Variants in ARHGEF28 observed in about 807,000 individuals in gnomAD.
The protein encoded by ARHGEF28 is 190 kDa guanine nucleotide exchange factor.
A neutral mutation model predicts 206.6 loss-of-function variants in ARHGEF28; 152 were observed. That is an observed-to-expected ratio of 0.74 (90% CI 0.64 to 0.84). The LOEUF (loss-of-function observed/expected upper bound fraction) is 0.84, where lower values mean the gene tolerates loss of function less well. ARHGEF28 is among the 40% of genes least tolerant of loss of function. ARHGEF28 has a pLI of 0.00. For synonymous variants in ARHGEF28, 763 were observed against 776.4 expected, an observed-to-expected ratio of 0.98 and a Z score of 0.29; for missense variants, 2,028 against 2,073.2, an observed-to-expected ratio of 0.98 and a Z score of 0.42.
chr5:73,914,586 G>A (rs754841669), intron 35 of ARHGEF28, among the ~76,000 whole-genome samples: 3 of 151,794 alleles, frequency 2.0e-5, no homozygotes, highest in South Asian at 2.1e-4. Flanking sequence ...CAGTAGAGAC[G>A]GAGTTTCGCC....
intron 4 of ARHGEF28, among the ~76,000 whole-genome samples, chr5:73,763,576 A>G (rs1321259857): frequency 2.0e-5 from 3 of 152,192 alleles, no homozygotes; most frequent in African/African-American, 7.2e-5. Flanking sequence ...CAAACAGAAC[A>G]GGGTCCCTGG....
At chr5:73,757,692 C>A (rs550976303) in intron 4 of ARHGEF28, among the ~76,000 whole-genome samples, 1 of 152,240 alleles carries the variant, frequency 6.6e-6, no homozygotes, top group Non-Finnish European at 1.5e-5. Flanking sequence ...GGAAATATCC[C>A]AGATTTTATT....
intron 13 of ARHGEF28, 66 bp downstream of exon 13, chr5:73,849,153 A>G (rs745411061): frequency 1.8e-6 from 2 of 1,122,528 alleles, no homozygotes; most frequent in South Asian, 3.0e-5. Context: ...CAGTTAGTAT[A>G]AGTACATAAA....
intron 2 of ARHGEF28, among the ~76,000 whole-genome samples, chr5:73,732,338 C>CT (rs202000497): frequency 1.2e-3 from 176 of 146,388 alleles, no homozygotes; most frequent in African/African-American, 2.5e-3. Flanking sequence ...TTCAGATCAG[C>CT]TTTTTTTTTT....
At chr5:73,879,008 C>G (rs1760727969) in intron 22 of ARHGEF28, among the ~76,000 whole-genome samples, 2 of 152,128 alleles carry the variant, frequency 1.3e-5, no homozygotes, top group African/African-American at 4.8e-5. Flanking sequence ...TGGATAATAT[C>G]CTGCAGAGTG....
At chr5:73,863,042 C>T (rs1206927998) in intron 16 of ARHGEF28, 1 of 151,930 alleles carries the variant, frequency 6.6e-6, no homozygotes. Flanking sequence ...CTTTTCCCTT[C>T]ATTGCTTTGC....
chr5:73,810,423 A>T (rs1237356270), intron 9 of ARHGEF28, among the ~76,000 whole-genome samples: 1 of 152,224 alleles, frequency 6.6e-6, no homozygotes. Context: ...ATCTGTCTGG[A>T]ATCTCAGCTA....
At chr5:73,878,218 T>G (rs1279449763) in intron 22 of ARHGEF28, among the ~76,000 whole-genome samples, 1 of 149,528 alleles carries the variant, frequency 6.7e-6, no homozygotes, top group Non-Finnish European at 1.5e-5. Flanking sequence ...TGGTTTAAAG[T>G]CTGTTTTATC....
chr5:73,766,236 C>T (rs565826241), intron 4 of ARHGEF28, among the ~76,000 whole-genome samples: 1 of 152,110 alleles, frequency 6.6e-6, no homozygotes, highest in South Asian at 2.1e-4. Flanking sequence ...TGGCTCCACT[C>T]AGGTGTTGTG....
chr5:73,729,839 C>T (rs1027264945), intron 2 of ARHGEF28, among the ~76,000 whole-genome samples: 22 of 152,126 alleles, frequency 1.4e-4, no homozygotes, highest in Non-Finnish European at 1.6e-4. Context: ...TACCTATGAA[C>T]CAGTTACACA....
chr5:73,828,236 G>A (rs972791329), intron 9 of ARHGEF28, among the ~76,000 whole-genome samples: 5 of 152,160 alleles, frequency 3.3e-5, no homozygotes, highest in Non-Finnish European at 7.3e-5. Context: ...ATTATTTGCA[G>A]TGGCTAGTGT....
intron 1 of ARHGEF28, among the ~76,000 whole-genome samples, chr5:73,666,893 C>T (rs1745990014): frequency 6.6e-6 from 1 of 152,146 alleles, no homozygotes; most frequent in African/African-American, 2.4e-5. Flanking sequence ...CATGTCCCTT[C>T]AAGGGTCCCA....
At chr5:73,714,585 T>A (rs893364797) in intron 2 of ARHGEF28, among the ~76,000 whole-genome samples, 1 of 152,204 alleles carries the variant, frequency 6.6e-6, no homozygotes, top group Non-Finnish European at 1.5e-5. Flanking sequence ...TACTATGGTA[T>A]CTACATCAAC....
intron 1 of ARHGEF28, among the ~76,000 whole-genome samples, chr5:73,645,218 T>G (rs1486535123): frequency 6.6e-6 from 1 of 152,164 alleles, no homozygotes; most frequent in Non-Finnish European, 1.5e-5. Flanking sequence ...GGTCTTACTA[T>G]TTGCCTAGGC....
At chr5:73,860,974 C>G (rs781432292) in intron 16 of ARHGEF28, among the ~76,000 whole-genome samples, 1 of 152,208 alleles carries the variant, frequency 6.6e-6, no homozygotes, top group Non-Finnish European at 1.5e-5. Context: ...CAGTTTCCCC[C>G]ACTCCTCTGC....
intron 1 of ARHGEF28, among the ~76,000 whole-genome samples, chr5:73,629,507 C>CAAAAAA (rs70973265): frequency 7.2e-6 from 1 of 138,328 alleles, no homozygotes; most frequent in African/African-American, 2.8e-5. Flanking sequence ...GACTCTGTCT[C>CAAAAAA]AAAAAAAAAA....
intron 10 of ARHGEF28, among the ~76,000 whole-genome samples, chr5:73,840,077 A>T (rs1214389233): frequency 6.6e-6 from 1 of 152,198 alleles, no homozygotes; most frequent in East Asian, 1.9e-4. Flanking sequence ...CCTTTATGTG[A>T]ATTATAGGAT....
intron 1 of ARHGEF28, among the ~76,000 whole-genome samples, chr5:73,652,460 A>G (rs1249630407): frequency 2.6e-5 from 4 of 152,162 alleles, no homozygotes; most frequent in Non-Finnish European, 5.9e-5. Flanking sequence ...AGTGTGGGAC[A>G]TGAGAGGGCA....
At chr5:73,773,834 T>A in intron 4 of ARHGEF28, 21 bp from the exon 5 acceptor site, 1 of 1,564,870 alleles carries the variant, frequency 6.4e-7, no homozygotes, top group Non-Finnish European at 8.7e-7. Context: ...ACTAATATGG[T>A]ATGTGTTTTT....
Sources: allele counts gnomAD v4.1 joint callset (sites outside exome capture counted in the v4.1 genomes callset), GRCh38; gene constraint gnomAD v4.1.1; transcripts MANE v1.5; gene names NCBI Gene and HGNC (gene_info 2026-07-23, HGNC 2026-07-21).